The following UBXN2A variants were observed in gnomAD, a reference collection of about 807,000 sequenced individuals.
UBXN2A encodes UBX domain protein 2A.
UBXN2A carries 28 observed loss-of-function variants against 28.4 expected under a neutral mutation model. That is an observed-to-expected ratio of 0.99 (90% CI 0.73 to 1.35). The LOEUF (loss-of-function observed/expected upper bound fraction) is 1.35. Ranked by LOEUF, UBXN2A falls within the 40% of genes most tolerant of loss-of-function variation. The pLI is 0.00. For synonymous variants in UBXN2A, 97 were observed against 103.6 expected (o/e 0.94, Z 0.39); for missense variants, 253 against 297.9 (o/e 0.85, Z 1.11).
At chr2:23,939,064 T>C (rs565793977), upstream of UBXN2A, among the ~76,000 whole-genome samples, 347 of 152,032 alleles carry the variant, frequency 2.3e-3, no homozygotes, top group African/African-American at 8.2e-3. Flanking sequence ...TAGGTGAGGA[T>C]CAATCTCAAT....
chr2:23,937,240 T>G (rs1211683844), upstream of UBXN2A, among the ~76,000 whole-genome samples: 1 of 152,048 alleles, frequency 6.6e-6, no homozygotes, highest in Non-Finnish European at 1.5e-5. Context: ...GCATCCACAT[T>G]AGAAAGAAAT....
intron 1 of UBXN2A, among the ~76,000 whole-genome samples, chr2:23,933,316 GACCA>G (rs1229783367): frequency 6.6e-6 from 1 of 151,912 alleles, no homozygotes; most frequent in Non-Finnish European, 1.5e-5. Context: ...AGACCAGCCT[GACCA>G]ACATGGAGAA....
Position 23,957,906 on chromosome 2 carries a change from G to C in UBXN2A, c.-14-395G>C, listed in dbSNP as rs539085858. Among the ~76,000 whole-genome samples the C allele has an allele frequency of 1.6e-4, 24 of 152,250 alleles. No individual in the cohort carries two copies. The South Asian group carries it at 4.4e-3, about 28-fold the overall frequency. ...GCCTCCCAAAGTGCTGGGATTACAG[G>C]CATGAGCCACTGCGCCTAGCCATTT... is the stretch of plus-strand genomic sequence containing the variant. On this transcript the variant is annotated intron_variant, in intron 1 of 6. Transcript: ENST00000309033.
intron 6 of UBXN2A, among the ~76,000 whole-genome samples, chr2:23,986,430 T>G (rs1708133957): frequency 6.6e-6 from 1 of 152,160 alleles, no homozygotes; most frequent in Non-Finnish European, 1.5e-5. Context: ...ATAAAAGAAT[T>G]ATTTTTAATG....
chr2:23,953,675 G>C (rs1706480017), intron 1 of UBXN2A, among the ~76,000 whole-genome samples: 1 of 152,110 alleles, frequency 6.6e-6, no homozygotes, highest in African/African-American at 2.4e-5. Flanking sequence ...AGAATCTACT[G>C]TCATCACATT....
At chr2:23,938,666 C>T (rs1705611569), upstream of UBXN2A, among the ~76,000 whole-genome samples, 1 of 151,438 alleles carries the variant, frequency 6.6e-6, no homozygotes, top group Non-Finnish European at 1.5e-5. Context: ...CTCAAACTTC[C>T]TGATTTCTAT....
intron 2 of UBXN2A, among the ~76,000 whole-genome samples, chr2:23,964,858 T>C (rs1707098029): frequency 6.6e-6 from 1 of 152,210 alleles, no homozygotes; most frequent in Non-Finnish European, 1.5e-5. Flanking sequence ...AAGATGTGTT[T>C]ACTGGCTGAG....
Position 23,991,692 on chromosome 2 carries a change from G to A in UBXN2A, c.584+6861G>A, listed in dbSNP as rs148442132. ...TTGCCATGTTGGCCAGTCTGGTCTCGAACTGCTGATCTCAGGTGGTCCGCT... is the reference window on the plus strand; with the variant it reads ...TTGCCATGTTGGCCAGTCTGGTCTCAAACTGCTGATCTCAGGTGGTCCGCT... On this transcript the variant is annotated intron_variant, in intron 6 of 6. Coordinates refer to ENST00000309033, the MANE Select transcript of UBXN2A (RefSeq NM_181713.4). Among the ~76,000 whole-genome samples, 344 of 152,152 alleles carry A rather than the reference G, an allele frequency of 2.3e-3. 2 individuals carry two copies. Among genetic ancestry groups the A allele is most frequent in the African/African-American group, 7.9e-3 (328 of 41,534 alleles).
At chr2:23,951,584 T>C (rs907493719) in intron 1 of UBXN2A, among the ~76,000 whole-genome samples, 7 of 151,614 alleles carry the variant, frequency 4.6e-5, no homozygotes, top group Admixed American at 2.6e-4. Flanking sequence ...CCTCAGCCTC[T>C]GGAGTACTTG....
At chr2:23,999,501 G>C (rs776623713) in intron 6 of UBXN2A, among the ~76,000 whole-genome samples, 171 bp from the exon 7 acceptor site, 67 of 152,148 alleles carry the variant, frequency 4.4e-4, no homozygotes, top group Admixed American at 1.4e-3. Context: ...AGGAGGATCA[G>C]TTGAGCCCAG....
At chr2:23,967,349 G>A (rs1707222070) in intron 2 of UBXN2A, among the ~76,000 whole-genome samples, 1 of 152,152 alleles carries the variant, frequency 6.6e-6, no homozygotes, top group African/African-American at 2.4e-5. Flanking sequence ...TTTGTATTTA[G>A]TAATTACTAA....
chr2:23,941,790 G>C (rs2150796378), intron 1 of UBXN2A, among the ~76,000 whole-genome samples: 1 of 152,180 alleles, frequency 6.6e-6, no homozygotes, highest in South Asian at 2.1e-4. Flanking sequence ...CAAATAATCA[G>C]GGCCCGGAGC....
chr2:23,933,651 G>T (rs1422230784), intron 1 of UBXN2A, among the ~76,000 whole-genome samples: 1 of 152,160 alleles, frequency 6.6e-6, no homozygotes, highest in Non-Finnish European at 1.5e-5. Context: ...GGGCCCAGGA[G>T]TTTGAGGCTG....
At chr2:23,973,839 A>C (rs1042680362) in intron 3 of UBXN2A, among the ~76,000 whole-genome samples, 3 of 150,968 alleles carry the variant, frequency 2.0e-5, no homozygotes, top group African/African-American at 4.9e-5. Flanking sequence ...ACCATGTTGG[A>C]CAGGCTGGTC....
upstream of UBXN2A, among the ~76,000 whole-genome samples, chr2:23,935,870 C>T (rs1318731825): frequency 3.3e-5 from 5 of 151,920 alleles, no homozygotes; most frequent in African/African-American, 1.2e-4. Flanking sequence ...GTCAACATGG[C>T]GAAACCCCAT....
chr2:23,981,616 G>A (rs114277226), intron 4 of UBXN2A, among the ~76,000 whole-genome samples: 2,032 of 151,754 alleles, frequency 0.013, 10 homozygotes, highest in Admixed American at 0.018. Context: ...TCCTTTGGCC[G>A]GGCGTGGTGG....
At chr2:23,998,856 G>A (rs1443011259) in intron 6 of UBXN2A, among the ~76,000 whole-genome samples, 2 of 151,992 alleles carry the variant, frequency 1.3e-5, no homozygotes, top group Admixed American at 1.3e-4. Context: ...TCAGCCTCCC[G>A]AGCAGCTGGA....
chr2:24,003,887 A>G lies in UBXN2A; in HGVS notation c.*4020A>G, dbSNP rs1156963813. 6.6e-6 allele frequency: 1 copy of G among 152,220 alleles called. No homozygotes were observed. The highest frequency in any genetic ancestry group is 1.5e-5 in the Non-Finnish European group (1 of 68,044). 9.4% of individuals were successfully genotyped at this position (152,220 alleles called of 1,614,324 possible). A position where few individuals can be genotyped will look rare whatever the true frequency, so the allele number is the denominator to read the frequency against. On this transcript the variant is annotated 3_prime_UTR_variant, in exon 7 of 7. Coordinates refer to ENST00000309033, the MANE Select transcript of UBXN2A (RefSeq NM_181713.4). ...TTATTTGCATAATTATAGTCAACAT[A>G]TGATTCTCCATGTAGGGGTCTCTCA...
intron 1 of UBXN2A, among the ~76,000 whole-genome samples, chr2:23,928,039 TGTG>T (rs1174333787): frequency 6.6e-6 from 1 of 151,462 alleles, no homozygotes; most frequent in Non-Finnish European, 1.5e-5. Flanking sequence ...CGATGGGTGT[TGTG>T]GTGGGCACCT....
Sources: allele counts gnomAD v4.1 joint callset (sites outside exome capture counted in the v4.1 genomes callset), GRCh38; gene constraint gnomAD v4.1.1; transcripts MANE v1.5; gene names NCBI Gene and HGNC (gene_info 2026-07-23, HGNC 2026-07-21).